ETFRF1: variants seen among roughly 807,000 people sequenced by gnomAD.
The protein encoded by ETFRF1 is electron transfer flavoprotein regulatory factor 1, also known as LYR motif containing 5.
In ETFRF1, 12 loss-of-function variants were observed where a neutral mutation model predicts 9.0. The observed-to-expected ratio is 1.34, with a 90% CI of 0.86 to 2.16. The LOEUF (loss-of-function observed/expected upper bound fraction) is 2.16, where lower values mean the gene tolerates loss of function less well. Ranked by LOEUF, ETFRF1 falls within the 30% of genes most tolerant of loss-of-function variation. ETFRF1 has a pLI of 0.00. For missense variants in ETFRF1, 98 were observed against 101.8 expected, an observed-to-expected ratio of 0.96 and a Z score of 0.16; for synonymous variants, 34 against 33.2, an observed-to-expected ratio of 1.02 and a Z score of -0.08.
intron 1 of ETFRF1, among the ~76,000 whole-genome samples, chr12:25,201,687 C>A (rs557518061): frequency 6.6e-6 from 1 of 152,244 alleles, no homozygotes; most frequent in Non-Finnish European, 1.5e-5. Flanking sequence ...GGCACTGGCA[C>A]CCTGCCTTTC....
At chr12:25,197,157 A>G (rs1300198113) in intron 1 of ETFRF1, among the ~76,000 whole-genome samples, 2 of 152,132 alleles carry the variant, frequency 1.3e-5, no homozygotes, top group Non-Finnish European at 2.9e-5. Context: ...CCGTCTCAAA[A>G]AAAAAAAAAG....
Position 25,204,360 on chromosome 12 carries a change from C to A in ETFRF1, c.*48C>A. On this transcript the variant is annotated 3_prime_UTR_variant, in exon 3 of 3. Coordinates refer to ENST00000381356, the MANE Select transcript of ETFRF1 (RefSeq NM_001001660.3). ...ATCAGTGCCAGCTGTTTATGTATAC[C>A]AGATGTTGTAAAATAATTCTAACTT... The A allele has an allele frequency of 1.5e-6, 2 of 1,372,878 alleles. No individual in the cohort carries two copies. The highest frequency in any genetic ancestry group is 1.6e-5 in the South Asian group (1 of 62,668). The allele number at this position is 1,372,878 out of a possible 1,614,324, so 85.0% of individuals were successfully genotyped here.
At chr12:25,196,939 GGTCTGGAGATGGAGACCATCC>G (rs1951029264) in intron 1 of ETFRF1, among the ~76,000 whole-genome samples, 2 of 152,112 alleles carry the variant, frequency 1.3e-5, no homozygotes, top group African/African-American at 4.8e-5. Context: ...TGGATCACGA[GGTCTGGAGATGGAGACCATCC>G]TGGATAACAC....
At chr12:25,200,344 A>C (rs1555191169) in intron 1 of ETFRF1, among the ~76,000 whole-genome samples, 1 of 152,206 alleles carries the variant, frequency 6.6e-6, no homozygotes, top group Non-Finnish European at 1.5e-5. Context: ...TCATGAATGA[A>C]ATCATTTAAA....
chr12:25,197,520 G>A (rs11047890), intron 1 of ETFRF1, among the ~76,000 whole-genome samples: 2 of 152,134 alleles, frequency 1.3e-5, no homozygotes, highest in Admixed American at 6.5e-5. Flanking sequence ...AGGTTGGAGT[G>A]GTGGAACAAT....
At position 25,204,019 on chromosome 12, in the gene ETFRF1, T is replaced by C. The variant is rs779561907; in HGVS notation, c.51+12T>C. On this transcript the variant is annotated intron_variant, in intron 2 of 2. Coordinates refer to ENST00000381356, the MANE Select transcript of ETFRF1 (RefSeq NM_001001660.3). ...AACTTTATAAAAATGTAAGTAATTATGTTGCCAATTTTATAAAAATGTTAT... is the reference window on the plus strand; with the variant it reads ...AACTTTATAAAAATGTAAGTAATTACGTTGCCAATTTTATAAAAATGTTAT... The C allele has an allele frequency of 1.3e-6, 2 of 1,519,312 alleles. No homozygotes were observed. The highest frequency in any genetic ancestry group is 1.8e-6 in the Non-Finnish European group (2 of 1,133,998). The allele number at this position is 1,519,312 out of a possible 1,614,324, so 94.1% of individuals were successfully genotyped here.
chr12:25,195,259 C>G lies in ETFRF1; in HGVS notation c.-116C>G, dbSNP rs573362967. 208 of 669,014 alleles carry G rather than the reference C, an allele frequency of 3.1e-4. No homozygotes were observed. Among genetic ancestry groups the G allele is most frequent in the Admixed American group, 9.2e-4 (41 of 44,436 alleles). 41.4% of individuals were successfully genotyped at this position (669,014 alleles called of 1,614,324 possible). A position where few individuals can be genotyped will look rare whatever the true frequency, so the allele number is the denominator to read the frequency against. ...TTTACTGACAGGTTGCCCACCTCCC[C>G]CAACGCCACCCCGCTTCGCAGTAGA... On this transcript the variant is annotated 5_prime_UTR_variant, in exon 1 of 3. Transcript: ENST00000381356.
At chr12:25,201,551 CTT>C (rs1438664275) in intron 1 of ETFRF1, among the ~76,000 whole-genome samples, 1 of 152,022 alleles carries the variant, frequency 6.6e-6, no homozygotes, top group Non-Finnish European at 1.5e-5. Flanking sequence ...GCTTCTAAGA[CTT>C]TTGTTTCATA....
chr12:25,199,484 A>G (rs1362445639), intron 1 of ETFRF1, among the ~76,000 whole-genome samples: 1 of 150,716 alleles, frequency 6.6e-6, no homozygotes, highest in African/African-American at 2.4e-5. Context: ...TATATATTTT[A>G]ATATATTTTT....
chr12:25,202,275 C>A (rs1469722955), intron 1 of ETFRF1, among the ~76,000 whole-genome samples: 1 of 151,390 alleles, frequency 6.6e-6, no homozygotes, highest in African/African-American at 2.4e-5. Flanking sequence ...CAGAGTAATT[C>A]AGTCCAAAAG....
Position 25,195,251 on chromosome 12 carries a change from C to T in ETFRF1, c.-124C>T, listed in dbSNP as rs906610336. 1.4e-6 allele frequency: 1 copy of T among 695,722 alleles called. No homozygotes were observed. The highest frequency in any genetic ancestry group is 2.5e-6 in the Non-Finnish European group (1 of 392,448). The allele number at this position is 695,722 out of a possible 1,614,324, so 43.1% of individuals were successfully genotyped here. A position where few individuals can be genotyped will look rare whatever the true frequency, so the allele number is the denominator to read the frequency against. On this transcript the variant is annotated 5_prime_UTR_variant, in exon 1 of 3. Coordinates refer to ENST00000381356, the MANE Select transcript of ETFRF1 (RefSeq NM_001001660.3). ...CCGCCCCCTTTACTGACAGGTTGCC[C>T]ACCTCCCCCAACGCCACCCCGCTTC...
chr12:25,201,942 C>T lies in ETFRF1; in HGVS notation c.-37-1978C>T, dbSNP rs1008909231. On this transcript the variant is annotated intron_variant, in intron 1 of 2. Transcript: ENST00000381356. Reference sequence around the variant, plus strand: ...CTATTTTAAAAATATAAGTTGCGGCCGGGCACGGTGGCTCACGCCTGTAAT... The same window carrying T: ...CTATTTTAAAAATATAAGTTGCGGCTGGGCACGGTGGCTCACGCCTGTAAT... Among the ~76,000 whole-genome samples, 5 of 151,374 alleles carry T rather than the reference C, an allele frequency of 3.3e-5. No individual in the cohort carries two copies. In the East Asian group the frequency reaches 7.7e-4, roughly 23 times the overall value.
chr12:25,205,060 T>A lies in ETFRF1; in HGVS notation c.*748T>A, dbSNP rs1951119794. On this transcript the variant is annotated 3_prime_UTR_variant, in exon 3 of 3. Coordinates refer to ENST00000381356, the MANE Select transcript of ETFRF1 (RefSeq NM_001001660.3). ...GATTTGTTTTGCATCTACTTCTAAA[T>A]ATGGTTTTAAGTTTAAGCAAACACG... The A allele has an allele frequency of 4.7e-6, 1 of 212,996 alleles. No individual in the cohort carries two copies. Among genetic ancestry groups the A allele is most frequent in the Non-Finnish European group, 9.5e-6 (1 of 104,960 alleles). The allele number at this position is 212,996 out of a possible 1,614,324, so 13.2% of individuals were successfully genotyped here.
chr12:25,201,300 G>A (rs1341783091), intron 1 of ETFRF1, among the ~76,000 whole-genome samples: 1 of 152,206 alleles, frequency 6.6e-6, no homozygotes, highest in African/African-American at 2.4e-5. Context: ...AACTTCTCTA[G>A]AAGGGATCCA....
intron 1 of ETFRF1, among the ~76,000 whole-genome samples, chr12:25,196,963 G>T (rs1030406258): frequency 2.0e-5 from 3 of 152,100 alleles, no homozygotes; most frequent in Admixed American, 2.0e-4. Flanking sequence ...GACCATCCTG[G>T]ATAACACAGT....
rs960780770 is a variant in ETFRF1 at position 25,195,294 on chromosome 12, G to A, written c.-81G>A. On this transcript the variant is annotated 5_prime_UTR_variant, in exon 1 of 3. Coordinates refer to ENST00000381356, the MANE Select transcript of ETFRF1 (RefSeq NM_001001660.3). ...CCCGCTTCGCAGTAGACGGACAGAG[G>A]AGTCGTAGCGGTCGAGGCTTTTGCG... 1 of 616,610 alleles carries A rather than the reference G, an allele frequency of 1.6e-6. No individual in the cohort carries two copies. 38.2% of individuals were successfully genotyped at this position (616,610 alleles called of 1,614,324 possible).
rs1950960569 is a variant in ETFRF1, at chr12:25,195,323, C to T, written c.-52C>T. ...CGTAGCGGTCGAGGCTTTTGCGGCT[C>T]CGGCGTGCCGGAAAGTGCGTGAGTG... On this transcript the variant is annotated 5_prime_UTR_variant, in exon 1 of 3. Transcript: ENST00000381356. 1 of 602,514 alleles carries T rather than the reference C, an allele frequency of 1.7e-6. No individual in the cohort carries two copies. Among genetic ancestry groups the T allele is most frequent in the Non-Finnish European group, 3.0e-6 (1 of 338,888 alleles). 37.3% of individuals were successfully genotyped at this position (602,514 alleles called of 1,614,324 possible). A position where few individuals can be genotyped will look rare whatever the true frequency, so the allele number is the denominator to read the frequency against.
At chr12:25,196,496 A>G (rs1951010964) in intron 1 of ETFRF1, among the ~76,000 whole-genome samples, 1 of 152,180 alleles carries the variant, frequency 6.6e-6, no homozygotes, top group Non-Finnish European at 1.5e-5. Context: ...AATGATTAAC[A>G]ACTTTGGCCA....
chr12:25,203,214 T>C (rs997895699), intron 1 of ETFRF1, among the ~76,000 whole-genome samples: 2 of 152,248 alleles, frequency 1.3e-5, no homozygotes, highest in Non-Finnish European at 2.9e-5. Context: ...GTGGGAATTA[T>C]TTTCTAGGTT....
Sources: allele counts gnomAD v4.1 joint callset (sites outside exome capture counted in the v4.1 genomes callset), GRCh38; gene constraint gnomAD v4.1.1; transcripts MANE v1.5; gene names NCBI Gene and HGNC (gene_info 2026-07-23, HGNC 2026-07-21).